Variants in GPM6A observed in about 807,000 individuals in gnomAD.
The protein encoded by GPM6A is neuronal membrane glycoprotein M6-a.
GPM6A carries 7 observed loss-of-function variants against 32.1 expected under a neutral mutation model. That is an observed-to-expected ratio of 0.22 (90% CI 0.12 to 0.41). GPM6A has a LOEUF of 0.41. Ranked by LOEUF, GPM6A falls within the 10% of genes least tolerant of loss-of-function variation. GPM6A has a pLI of 1.00. For missense variants in GPM6A, 235 were observed against 347.2 expected (o/e 0.68, Z 2.57); for synonymous variants, 130 against 123.4 (o/e 1.05, Z -0.35).
intron 1 of GPM6A, among the ~76,000 whole-genome samples, chr4:175,849,502 A>C (rs1459385031): frequency 6.6e-6 from 1 of 152,230 alleles, no homozygotes. Flanking sequence ...AAAATAATCC[A>C]TGGACATGTT....
chr4:175,784,382 C>A (rs1419414588), intron 1 of GPM6A, among the ~76,000 whole-genome samples: 1 of 152,058 alleles, frequency 6.6e-6, no homozygotes, highest in East Asian at 1.9e-4. Context: ...GTGACATTAG[C>A]AGATAATTAG....
chr4:175,721,016 TATATATATACTAGTAC>T (rs1395707440), intron 1 of GPM6A, among the ~76,000 whole-genome samples: 5 of 137,074 alleles, frequency 3.6e-5, no homozygotes, highest in Non-Finnish European at 6.3e-5. Flanking sequence ...TTTTCTAGTA[TATATATATACTAGTAC>T]ATATATATTA....
At chr4:175,711,588 T>A (rs564247647) in intron 1 of GPM6A, among the ~76,000 whole-genome samples, 2 of 150,414 alleles carry the variant, frequency 1.3e-5, no homozygotes, top group Non-Finnish European at 3.0e-5. Context: ...CTAAACAAAA[T>A]GGATGTATTT....
At chr4:175,914,811 G>GT (rs1263200555) in intron 1 of GPM6A, among the ~76,000 whole-genome samples, 5 of 152,092 alleles carry the variant, frequency 3.3e-5, no homozygotes, top group Non-Finnish European at 7.4e-5. Context: ...AGGAAAGGTA[G>GT]TTTTTTGTAT....
chr4:175,992,756 T>A (rs561461484), intron 1 of GPM6A, among the ~76,000 whole-genome samples: 3 of 152,176 alleles, frequency 2.0e-5, no homozygotes, highest in South Asian at 2.1e-4. Context: ...TCTCTATAAA[T>A]AAAATACAAG....
intron 1 of GPM6A, chr4:175,906,698 T>C (rs1235893917): frequency 1.3e-5 from 2 of 152,152 alleles, no homozygotes; most frequent in Non-Finnish European, 2.9e-5. Flanking sequence ...TCCAATCCGA[T>C]ACTGCAAACT....
At chr4:175,992,171 G>A (rs148679531) in intron 1 of GPM6A, among the ~76,000 whole-genome samples, 2 of 151,806 alleles carry the variant, frequency 1.3e-5, no homozygotes, top group East Asian at 3.9e-4. Flanking sequence ...TTATCAACTA[G>A]TTCCCTCACT....
At chr4:175,745,959 G>T (rs1285746828) in intron 1 of GPM6A, among the ~76,000 whole-genome samples, 1 of 152,062 alleles carries the variant, frequency 6.6e-6, no homozygotes. Context: ...CTGGGACAAG[G>T]CTTGAGGCAA....
At chr4:175,834,055 T>C (rs1337263789) in intron 1 of GPM6A, among the ~76,000 whole-genome samples, 1 of 152,008 alleles carries the variant, frequency 6.6e-6, no homozygotes, top group Non-Finnish European at 1.5e-5. Context: ...TCAGAGAGAC[T>C]GACACCTGCA....
chr4:175,949,760 A>G (rs1472774574), intron 1 of GPM6A, among the ~76,000 whole-genome samples: 1 of 152,226 alleles, frequency 6.6e-6, no homozygotes, highest in Non-Finnish European at 1.5e-5. Context: ...CTGAACCGAC[A>G]GGCTTTACAG....
chr4:175,640,938 A>C (rs1741104616), intron 4 of GPM6A, 109 bp from the exon 5 acceptor site: 3 of 678,386 alleles, frequency 4.4e-6, no homozygotes, highest in Non-Finnish European at 7.8e-6. Flanking sequence ...ATTTTATCTT[A>C]TGTTATGTTA....
chr4:175,650,276 TTATTTATTTATTTATTTATTTA>T (rs1476528435), intron 4 of GPM6A, among the ~76,000 whole-genome samples: 2 of 7,712 alleles, frequency 2.6e-4, no homozygotes, highest in Non-Finnish European at 1.6e-3. Flanking sequence ...ATTATTTTAT[TTATTTATTTATTTATTTATTTA>T]TTTATTTATT....
At chr4:175,993,640 T>G (rs994523310) in intron 1 of GPM6A, among the ~76,000 whole-genome samples, 7 of 152,246 alleles carry the variant, frequency 4.6e-5, no homozygotes, top group African/African-American at 1.2e-4. Context: ...TTTGTATTTT[T>G]GTATCTTTCT....
intron 1 of GPM6A, among the ~76,000 whole-genome samples, chr4:175,897,919 T>G (rs1737845606): frequency 2.0e-5 from 3 of 152,182 alleles, no homozygotes; most frequent in Admixed American, 2.0e-4. Flanking sequence ...CTTGGCAACA[T>G]TAATGATACC....
At chr4:175,716,846 T>C (rs959092167) in intron 1 of GPM6A, among the ~76,000 whole-genome samples, 1 of 152,332 alleles carries the variant, frequency 6.6e-6, no homozygotes, top group Admixed American at 6.5e-5. Flanking sequence ...TAATAAAATT[T>C]TCCATGATTT....
rs145365400 is a variant in GPM6A at position 175,638,477 on chromosome 4, G to A, written c.684+1652C>T. On this transcript the variant is annotated intron_variant, in intron 6 of 6. Transcript: ENST00000393658. ...GCTTTCTGTTTTAAATAAAATGTACGTATAGCTTTAAGTATATGCAAAGCA... is the reference window on the plus strand; with the variant it reads ...GCTTTCTGTTTTAAATAAAATGTACATATAGCTTTAAGTATATGCAAAGCA... 5.9e-4 allele frequency among the ~76,000 whole-genome samples: 89 copies of A among 152,010 alleles called. No homozygotes were observed. In the East Asian group the frequency reaches 0.015, roughly 25 times the overall value.
intron 2 of GPM6A, among the ~76,000 whole-genome samples, chr4:175,692,971 T>G (rs1242162107): frequency 6.6e-6 from 1 of 152,070 alleles, no homozygotes; most frequent in Non-Finnish European, 1.5e-5. Context: ...TAGTATAATA[T>G]TAATTACCGC....
chr4:175,767,966 T>C (rs1176003324), intron 1 of GPM6A, among the ~76,000 whole-genome samples: 1 of 152,174 alleles, frequency 6.6e-6, no homozygotes, highest in Non-Finnish European at 1.5e-5. Flanking sequence ...TTCAAGCAGA[T>C]AACATATTTT....
intron 1 of GPM6A, among the ~76,000 whole-genome samples, chr4:175,770,842 C>T (rs979287199): frequency 6.6e-6 from 1 of 152,108 alleles, no homozygotes; most frequent in Non-Finnish European, 1.5e-5. Context: ...TCTACACAGG[C>T]TTCCCAGAAG....
Sources: gnomAD v4.1 joint callset for allele counts (sites outside exome capture counted in the v4.1 genomes callset) on GRCh38, gnomAD v4.1.1 for gene constraint, MANE v1.5 for transcripts, NCBI Gene and HGNC (gene_info 2026-07-23, HGNC 2026-07-21) for gene names.